Variants in ACER3 observed in about 807,000 individuals in gnomAD.
ACER3 encodes the protein alkCDase 3.
In ACER3, 16 loss-of-function variants were observed where a neutral mutation model predicts 48.9. The observed-to-expected ratio is 0.33, with a 90% CI of 0.22 to 0.50. The LOEUF (loss-of-function observed/expected upper bound fraction) is 0.50, where lower values mean the gene tolerates loss of function less well. ACER3 is among the 20% of genes least tolerant of loss of function. ACER3 has a pLI of 0.98. For synonymous variants in ACER3, 109 were observed against 107.8 expected (o/e 1.01, Z -0.07); for missense variants, 227 against 326.0 (o/e 0.70, Z 2.34).
At chr11:76,946,536 C>T (rs1180512386) in intron 2 of ACER3, among the ~76,000 whole-genome samples, 14 of 152,186 alleles carry the variant, frequency 9.2e-5, no homozygotes, top group Admixed American at 9.2e-4. Context: ...CAATATGGTG[C>T]CTAGGGTGGG....
chr11:76,969,042 C>T (rs1948220564), intron 3 of ACER3, among the ~76,000 whole-genome samples: 2 of 151,916 alleles, frequency 1.3e-5, no homozygotes, highest in African/African-American at 2.4e-5. Context: ...GCAATCTACT[C>T]ATCTGACAAA....
At chr11:76,981,373 G>A (rs935291585) in intron 4 of ACER3, among the ~76,000 whole-genome samples, 22 of 152,162 alleles carry the variant, frequency 1.4e-4, no homozygotes, top group African/African-American at 5.1e-4. Context: ...TTAATCCACT[G>A]TATTGACACA....
chr11:76,973,059 C>T (rs1164725822), intron 3 of ACER3, among the ~76,000 whole-genome samples: 1 of 152,240 alleles, frequency 6.6e-6, no homozygotes. Flanking sequence ...TCAGGATGAT[C>T]TAGGCACTGT....
chr11:77,011,022 T>G (rs1949252746), intron 7 of ACER3, among the ~76,000 whole-genome samples: 1 of 152,132 alleles, frequency 6.6e-6, no homozygotes. Context: ...GACGAGTGCG[T>G]GGGATACAAG....
chr11:76,903,676 A>G (rs1590907333), intron 1 of ACER3, among the ~76,000 whole-genome samples: 1 of 151,878 alleles, frequency 6.6e-6, no homozygotes, highest in South Asian at 2.1e-4. Flanking sequence ...CCCAACTCCA[A>G]CCTGACTCTC....
intron 7 of ACER3, among the ~76,000 whole-genome samples, chr11:77,001,694 G>A (rs57689898): frequency 0.021 from 3,194 of 152,268 alleles, 112 homozygotes; most frequent in African/African-American, 0.073. Context: ...AGCAGTGACA[G>A]CAGATCTCCT....
chr11:76,933,890 A>T (rs1239563345), intron 2 of ACER3, among the ~76,000 whole-genome samples: 1 of 151,270 alleles, frequency 6.6e-6, no homozygotes, highest in East Asian at 2.0e-4. Context: ...CACTTCTCAG[A>T]TGGGGCGGCT....
chr11:76,875,097 A>AAAAGC (rs1238574180), intron 1 of ACER3, among the ~76,000 whole-genome samples: 6 of 136,476 alleles, frequency 4.4e-5, no homozygotes, highest in Non-Finnish European at 9.4e-5. Flanking sequence ...ACATGGCATG[A>AAAAGC]AAAGCACTTC....
intron 1 of ACER3, among the ~76,000 whole-genome samples, chr11:76,896,525 C>A (rs114968019): frequency 1.5e-3 from 232 of 152,092 alleles, no homozygotes; most frequent in African/African-American, 5.5e-3. Flanking sequence ...TAGAATCCCC[C>A]CTCCAAGCTT....
intron 1 of ACER3, among the ~76,000 whole-genome samples, chr11:76,897,745 C>G (rs996734986): frequency 1.3e-5 from 2 of 151,962 alleles, no homozygotes; most frequent in Non-Finnish European, 2.9e-5. Context: ...TTGCTCATTT[C>G]TAGGAAAACA....
At chr11:76,909,534 G>A (rs574830612) in intron 1 of ACER3, among the ~76,000 whole-genome samples, 2 of 152,252 alleles carry the variant, frequency 1.3e-5, no homozygotes, top group South Asian at 2.1e-4. Context: ...AATCATCACC[G>A]GTCATTAGAG....
chr11:76,977,778 T>G (rs899160192), intron 4 of ACER3, among the ~76,000 whole-genome samples: 1 of 152,196 alleles, frequency 6.6e-6, no homozygotes, highest in Non-Finnish European at 1.5e-5. Flanking sequence ...CGGGCACAGC[T>G]GCAGATGCCC....
At chr11:76,968,586 A>C (rs1279442366) in intron 3 of ACER3, among the ~76,000 whole-genome samples, 1 of 152,244 alleles carries the variant, frequency 6.6e-6, no homozygotes, top group Non-Finnish European at 1.5e-5. Context: ...TACTGGTACC[A>C]AAACAGAGAT....
intron 2 of ACER3, among the ~76,000 whole-genome samples, chr11:76,951,488 G>C (rs960366964): frequency 6.6e-6 from 1 of 152,162 alleles, no homozygotes; most frequent in Non-Finnish European, 1.5e-5. Flanking sequence ...ATTGACTAGA[G>C]AGAAAGTGAC....
chr11:76,875,647 T>C (rs1220980286), intron 1 of ACER3, among the ~76,000 whole-genome samples: 5 of 151,790 alleles, frequency 3.3e-5, no homozygotes, highest in African/African-American at 9.7e-5. Context: ...CTCTAAATAC[T>C]AAAGCATATC....
At chr11:76,923,636 A>T (rs927478091) in intron 1 of ACER3, among the ~76,000 whole-genome samples, 1 of 152,144 alleles carries the variant, frequency 6.6e-6, no homozygotes, top group African/African-American at 2.4e-5. Context: ...CAGTGAAGCT[A>T]CTTGGAAACA....
chr11:76,912,846 C>T (rs1314184339), intron 1 of ACER3, among the ~76,000 whole-genome samples: 1 of 152,144 alleles, frequency 6.6e-6, no homozygotes, highest in Non-Finnish European at 1.5e-5. Context: ...AAGTTACTGG[C>T]AGTGAATCCA....
chr11:76,936,891 A>G (rs536331025), intron 2 of ACER3, among the ~76,000 whole-genome samples: 1 of 151,962 alleles, frequency 6.6e-6, no homozygotes, highest in South Asian at 2.1e-4. Context: ...TAATTTTTGT[A>G]TTTTTAGTAG....
intron 6 of ACER3, chr11:76,998,435 A>AGAGAGGAGCTAAAGAGAG: frequency 3.6e-6 from 1 of 281,348 alleles, no homozygotes; most frequent in Non-Finnish European, 6.5e-6. Context: ...GCTAAAGAGA[A>AGAGAGGAGCTAAAGAGAG]GAGAGGAGCT....
Sources: gnomAD v4.1 joint callset for allele counts (sites outside exome capture counted in the v4.1 genomes callset) on GRCh38, gnomAD v4.1.1 for gene constraint, MANE v1.5 for transcripts, NCBI Gene and HGNC (gene_info 2026-07-23, HGNC 2026-07-21) for gene names.